The following LRRC7 variants were observed in gnomAD, a reference collection of about 807,000 sequenced individuals.
LRRC7 encodes the protein leucine rich repeat containing 7, also known as leucine-rich repeat-containing protein 7.
Under a neutral mutation model 175.7 loss-of-function variants are expected in LRRC7, and 23 were observed. The observed-to-expected ratio is 0.13, with a 90% CI of 0.09 to 0.19. LRRC7 has a LOEUF of 0.19. Among genes scored for constraint, LRRC7 ranks in the 10% least tolerant of loss-of-function variants. The pLI is 1.00. For synonymous variants in LRRC7, 685 were observed against 680.9 expected (o/e 1.01, Z -0.09); for missense variants, 1,354 against 1,904.7 (o/e 0.71, Z 5.38).
At chr1:69,799,061 G>A (rs948396707) in intron 4 of LRRC7, among the ~76,000 whole-genome samples, 3 of 145,996 alleles carry the variant, frequency 2.1e-5, no homozygotes, top group Admixed American at 2.0e-4. Context: ...TTGTCTTTTA[G>A]GTTTTTGGTG....
At chr1:70,029,049 G>T (rs1364703983) in intron 18 of LRRC7, among the ~76,000 whole-genome samples, 5 of 152,096 alleles carry the variant, frequency 3.3e-5, no homozygotes, top group African/African-American at 7.2e-5. Context: ...GAGTACATCT[G>T]TAAGTTCACG....
At chr1:69,585,543 A>G (rs528009636) in intron 1 of LRRC7, among the ~76,000 whole-genome samples, 1 of 152,350 alleles carries the variant, frequency 6.6e-6, no homozygotes, top group African/African-American at 2.4e-5. Context: ...GTTGATAAAT[A>G]GTATATAACT....
chr1:69,791,998 A>T, intron 3 of LRRC7, 45 bp from the exon 4 acceptor site: 1 of 1,266,212 alleles, frequency 7.9e-7, no homozygotes, highest in Non-Finnish European at 1.1e-6. Flanking sequence ...TTATGAATGA[A>T]TTTAACCAAA....
chr1:69,573,039 C>T (rs112047297), intron 1 of LRRC7, among the ~76,000 whole-genome samples: 4 of 152,086 alleles, frequency 2.6e-5, no homozygotes, highest in Non-Finnish European at 5.9e-5. Flanking sequence ...TACTGCCTCC[C>T]CTACCATAGT....
intron 7 of LRRC7, among the ~76,000 whole-genome samples, chr1:69,914,598 T>G (rs1467527064): frequency 6.6e-6 from 1 of 152,156 alleles, no homozygotes; most frequent in African/African-American, 2.4e-5. Context: ...CAAATATAAA[T>G]AGTTATCTAG....
chr1:69,862,678 AT>A (rs974303366), intron 7 of LRRC7, among the ~76,000 whole-genome samples: 1 of 152,302 alleles, frequency 6.6e-6, no homozygotes, highest in South Asian at 2.1e-4. Context: ...TATTGTAATA[AT>A]TTTTTAGAGT....
intron 1 of LRRC7, among the ~76,000 whole-genome samples, chr1:69,621,428 T>C (rs1465279853): frequency 1.3e-5 from 2 of 152,212 alleles, no homozygotes; most frequent in Admixed American, 6.5e-5. Flanking sequence ...TATTAGTTCT[T>C]ACATATTCTG....
intron 7 of LRRC7, chr1:69,875,020 A>G (rs1458677358): frequency 2.0e-5 from 3 of 152,100 alleles, no homozygotes; most frequent in African/African-American, 7.2e-5. Context: ...CTGTAGAATA[A>G]GTTGCACTAT....
At chr1:70,027,574 A>G (rs952036239) in intron 17 of LRRC7, among the ~76,000 whole-genome samples, 1 of 152,188 alleles carries the variant, frequency 6.6e-6, no homozygotes, top group Non-Finnish European at 1.5e-5. Flanking sequence ...AAGTAAATAT[A>G]AAAACCACCC....
At chr1:70,070,866 GA>G (rs1662331831) in intron 23 of LRRC7, among the ~76,000 whole-genome samples, 2 of 152,272 alleles carry the variant, frequency 1.3e-5, no homozygotes, top group Middle Eastern at 3.4e-3. Flanking sequence ...TGCTGGGTAG[GA>G]CTGGAAGTCC....
chr1:69,579,424 C>G (rs1356201954), intron 1 of LRRC7, among the ~76,000 whole-genome samples: 1 of 152,086 alleles, frequency 6.6e-6, no homozygotes, highest in African/African-American at 2.4e-5. Flanking sequence ...ACAAAGGTCA[C>G]TTTATATTGG....
chr1:69,571,620 T>C (rs538101702), intron 1 of LRRC7, among the ~76,000 whole-genome samples: 3 of 152,182 alleles, frequency 2.0e-5, no homozygotes, highest in Non-Finnish European at 4.4e-5. Context: ...AATCACAACT[T>C]TAAAACATTC....
intron 8 of LRRC7, among the ~76,000 whole-genome samples, chr1:69,932,942 G>A (rs1035335175): frequency 2.6e-5 from 4 of 152,196 alleles, no homozygotes; most frequent in Non-Finnish European, 5.9e-5. Flanking sequence ...TCAGGTCTGC[G>A]GGCTCAGATA....
Position 69,980,300 on chromosome 1 carries a change from A to G in LRRC7, c.712-79A>G, listed in dbSNP as rs145148783. 111 of 1,192,508 alleles carry G rather than the reference A, an allele frequency of 9.3e-5. No individual in the cohort carries two copies. The African/African-American group carries it at 1.5e-3, about 16-fold the overall frequency. 73.9% of individuals were successfully genotyped at this position (1,192,508 alleles called of 1,614,324 possible). On this transcript the variant is annotated intron_variant, in intron 8 of 26. Transcript: ENST00000651989. The stretch of plus-strand genomic sequence containing the variant: ...CAAATAAAAGCTCAAGATCCAAGAA[A>G]TTACATCTTATGTTTGTGATAAGTA...
chr1:69,779,670 A>G (rs1450677903), intron 3 of LRRC7, among the ~76,000 whole-genome samples: 2 of 152,226 alleles, frequency 1.3e-5, no homozygotes, highest in Non-Finnish European at 2.9e-5. Flanking sequence ...GTTGTTTAAA[A>G]GATCTGTATT....
chr1:69,738,402 T>A (rs530650903), intron 2 of LRRC7, among the ~76,000 whole-genome samples: 14 of 152,196 alleles, frequency 9.2e-5, no homozygotes, highest in Non-Finnish European at 1.5e-4. Context: ...CACGGGACCT[T>A]TGAAAATGAT....
rs1667110892 is a variant in LRRC7, at chr1:70,142,682, T to G, written c.*20795T>G. ...ACTACTGCAAGATTACTGTTGCTTA[T>G]TGAAAGTAATAATACAGTTTTATTT... On this transcript the variant is annotated 3_prime_UTR_variant, in exon 27 of 27. Coordinates refer to ENST00000651989, the MANE Select transcript of LRRC7 (RefSeq NM_001370785.2). The G allele has an allele frequency of 6.6e-6, 1 of 152,030 alleles. No homozygotes were observed. The highest frequency in any genetic ancestry group is 2.1e-4 in the South Asian group (1 of 4,810). 9.4% of individuals were successfully genotyped at this position (152,030 alleles called of 1,614,324 possible).
intron 13 of LRRC7, among the ~76,000 whole-genome samples, chr1:70,014,490 A>G (rs1656802682): frequency 6.6e-6 from 1 of 151,964 alleles, no homozygotes; most frequent in Non-Finnish European, 1.5e-5. Flanking sequence ...ACAGAAATAT[A>G]AGCTTAAGTT....
intron 8 of LRRC7, among the ~76,000 whole-genome samples, chr1:69,962,897 G>A (rs1436638903): frequency 6.6e-6 from 1 of 152,018 alleles, no homozygotes; most frequent in East Asian, 1.9e-4. Context: ...CTTAGGTAAT[G>A]AAATAATCTG....
Sources: allele counts gnomAD v4.1 joint callset (sites outside exome capture counted in the v4.1 genomes callset), GRCh38; gene constraint gnomAD v4.1.1; transcripts MANE v1.5; gene names NCBI Gene and HGNC (gene_info 2026-07-23, HGNC 2026-07-21).